ATP7A: variants seen among roughly 807,000 people sequenced by gnomAD.
The protein encoded by ATP7A is ATPase copper transporting alpha.
ATP7A carries 7 observed loss-of-function variants against 83.5 expected under a neutral mutation model. That is an observed-to-expected ratio of 0.08 (90% CI 0.05 to 0.16). The LOEUF (loss-of-function observed/expected upper bound fraction) is 0.16, where lower values mean the gene tolerates loss of function less well. Ranked by LOEUF, ATP7A falls within the 10% of genes least tolerant of loss-of-function variation. The pLI is 1.00. For missense variants in ATP7A, 940 were observed against 1,120.8 expected, an observed-to-expected ratio of 0.84 and a Z score of 2.30; for synonymous variants, 354 against 395.2, an observed-to-expected ratio of 0.90 and a Z score of 1.24.
In ATP7A at chrX:77,942,077, A is replaced by G. The variant is rs189617441; in HGVS notation, c.-21-29544A>G. 6.0e-4 allele frequency among the ~76,000 whole-genome samples: 67 copies of G among 112,307 alleles called. 1 individual carries two copies. The East Asian group carries it at 0.018, about 31-fold the overall frequency. On this transcript the variant is annotated intron_variant, in intron 1 of 22. Coordinates refer to ENST00000341514, the MANE Select transcript of ATP7A (RefSeq NM_000052.7). Reference sequence around the variant, plus strand: ...TATTTTTAGGCAGATTGAGATGACCATATTGTCTTAGTTATCCAGGCAGTC... The same window carrying G: ...TATTTTTAGGCAGATTGAGATGACCGTATTGTCTTAGTTATCCAGGCAGTC...
At chrX:77,927,730 CA>C (rs1479131110) in intron 1 of ATP7A, among the ~76,000 whole-genome samples, 1 of 110,915 alleles carries the variant, frequency 9.0e-6, no homozygotes, top group African/African-American at 3.3e-5. Context: ...TGGTGTGCTG[CA>C]CCCATTAACT....
At chrX:78,039,299 T>G (rs1603390631) in intron 18 of ATP7A, among the ~76,000 whole-genome samples, 1 of 110,529 alleles carries the variant, frequency 9.0e-6, no homozygotes, top group East Asian at 2.8e-4. Context: ...CAATGTCAGG[T>G]TTTTTTTGTT....
intron 1 of ATP7A, 99 bp from the exon 2 acceptor site, chrX:77,971,522 T>C: frequency 1.2e-6 from 1 of 807,969 alleles, no homozygotes; most frequent in Non-Finnish European, 1.9e-6. Flanking sequence ...CACTTGAGCA[T>C]ATATAAAATG....
intron 7 of ATP7A, among the ~76,000 whole-genome samples, chrX:78,010,700 T>C (rs1190029478): frequency 1.2e-4 from 12 of 104,140 alleles, no homozygotes; most frequent in Non-Finnish European, 2.3e-4. Flanking sequence ...CTGTCTCAGC[T>C]TCCCGAGCAG....
intron 17 of ATP7A, 74 bp downstream of exon 17, chrX:78,033,895 G>T: frequency 9.9e-7 from 1 of 1,005,826 alleles, no homozygotes; most frequent in Non-Finnish European, 1.4e-6. Flanking sequence ...ACCCTGAACT[G>T]TTATAGAAGA....
chrX:77,970,436 C>T (rs1018165465), intron 1 of ATP7A, among the ~76,000 whole-genome samples: 2 of 111,231 alleles, frequency 1.8e-5, no homozygotes, highest in African/African-American at 6.5e-5. Flanking sequence ...TTTGGGAGGG[C>T]GAGGCGGGTG....
Position 77,988,475 on chromosome X carries a change from T to A in ATP7A, c.354T>A (p.Ile118=). The A allele has an allele frequency of 8.3e-7, 1 of 1,211,617 alleles. No homozygotes were observed. The highest frequency in any genetic ancestry group is 1.8e-5 in the South Asian group (1 of 56,991). ...CCAAGGGTGTGACAGACATTAAAAT[T>A]TACCCTCAGAAAAGAACTGTAGCAG... is the stretch of plus-strand genomic sequence containing the variant. The part of the protein sequence containing the change: ...LKTKGVTDIK[I]YPQKRTVAVT... Residue 118 remains isoleucine, a synonymous_variant, in exon 3 of 23, where the codon ATT becomes ATA. Transcript: ENST00000341514.
At chrX:77,931,979 G>A (rs1603371747) in intron 1 of ATP7A, among the ~76,000 whole-genome samples, 2 of 104,801 alleles carry the variant, frequency 1.9e-5, no homozygotes, top group Non-Finnish European at 4.0e-5. Context: ...CGGACGGGGC[G>A]GCTGGCTGAG....
chrX:77,932,210 T>C (rs1282157599), intron 1 of ATP7A, among the ~76,000 whole-genome samples: 3 of 102,721 alleles, frequency 2.9e-5, no homozygotes, highest in Non-Finnish European at 5.9e-5. Context: ...GCAGAGACGC[T>C]CCTCACCTCC....
At chrX:77,999,031 C>T (rs1324709559) in intron 5 of ATP7A, among the ~76,000 whole-genome samples, 3 of 105,697 alleles carry the variant, frequency 2.8e-5, no homozygotes, top group African/African-American at 1.0e-4. Flanking sequence ...GAGTCTTGCT[C>T]TGTCGCCCAG....
At chrX:77,937,295 G>A (rs781957776) in intron 1 of ATP7A, among the ~76,000 whole-genome samples, 87 of 112,276 alleles carry the variant, frequency 7.7e-4, no homozygotes, top group African/African-American at 2.7e-3. Context: ...CACTTAAAGC[G>A]GAAATACCAG....
At chrX:77,914,093 C>T (rs891685686) in intron 1 of ATP7A, among the ~76,000 whole-genome samples, 1 of 111,594 alleles carries the variant, frequency 9.0e-6, no homozygotes, top group African/African-American at 3.2e-5. Flanking sequence ...GGCAGGGCCT[C>T]GCTCTGTGGC....
chrX:77,947,438 C>A (rs1400042438), intron 1 of ATP7A, among the ~76,000 whole-genome samples: 1 of 83,321 alleles, frequency 1.2e-5, no homozygotes, highest in Non-Finnish European at 2.1e-5. Context: ...GTGTATTTTA[C>A]CACATTTTTT....
chrX:77,979,188 G>C (rs2077592126), intron 2 of ATP7A, among the ~76,000 whole-genome samples: 1 of 110,886 alleles, frequency 9.0e-6, no homozygotes, highest in African/African-American at 3.3e-5. Flanking sequence ...ACAAAATTTT[G>C]TGTTTATGGT....
intron 1 of ATP7A, among the ~76,000 whole-genome samples, chrX:77,936,368 T>C (rs1178810269): frequency 1.8e-5 from 2 of 112,271 alleles, no homozygotes; most frequent in Non-Finnish European, 3.8e-5. Flanking sequence ...TTTCCTGACA[T>C]ATTTTTGTTG....
chrX:77,987,664 G>T (rs1469130103), intron 2 of ATP7A, among the ~76,000 whole-genome samples: 1 of 110,993 alleles, frequency 9.0e-6, no homozygotes, highest in Non-Finnish European at 1.9e-5. Flanking sequence ...GTGACTTAGG[G>T]GGATATAGGA....
chrX:77,942,451 G>A (rs186058367), intron 1 of ATP7A, among the ~76,000 whole-genome samples: 45 of 105,097 alleles, frequency 4.3e-4, no homozygotes, highest in Non-Finnish European at 7.9e-4. Context: ...TTTTTTTTGC[G>A]GGGGGGGTAG....
chrX:77,930,784 A>G (rs991891708), intron 1 of ATP7A, among the ~76,000 whole-genome samples: 2 of 110,749 alleles, frequency 1.8e-5, no homozygotes, highest in Non-Finnish European at 3.8e-5. Flanking sequence ...TCTGGTAAAT[A>G]CTAGCTGAGG....
intron 12 of ATP7A, among the ~76,000 whole-genome samples, chrX:78,017,121 G>T (rs1449047641): frequency 8.9e-6 from 1 of 112,730 alleles, no homozygotes; most frequent in African/African-American, 3.2e-5. Context: ...TCTAGGCAGA[G>T]GTTCCCAAAC....
Sources: allele counts gnomAD v4.1 joint callset (sites outside exome capture counted in the v4.1 genomes callset), GRCh38; gene constraint gnomAD v4.1.1; transcripts MANE v1.5; gene names NCBI Gene and HGNC (gene_info 2026-07-23, HGNC 2026-07-21).